The following LPAR1 variants were observed in gnomAD, a reference collection of about 807,000 sequenced individuals.
LPAR1 encodes the protein lysophosphatidic acid receptor 1, also known as LPA receptor 1.
LPAR1 carries 5 observed loss-of-function variants against 23.8 expected under a neutral mutation model. The observed-to-expected ratio is 0.21, with a 90% CI of 0.11 to 0.44. The LOEUF is 0.44. Ranked by LOEUF, LPAR1 falls within the 20% of genes least tolerant of loss-of-function variation. The pLI is 0.99. For synonymous variants in LPAR1, 160 were observed against 164.7 expected (o/e 0.97, Z 0.22); for missense variants, 311 against 482.8 (o/e 0.64, Z 3.33).
chr9:110,951,956 T>C (rs2095583474), intron 4 of LPAR1, among the ~76,000 whole-genome samples: 1 of 152,184 alleles, frequency 6.6e-6, no homozygotes, highest in South Asian at 2.1e-4. Context: ...CTAAAGCAAT[T>C]TGCACAAGGA....
intron 5 of LPAR1, among the ~76,000 whole-genome samples, chr9:110,919,726 C>T (rs916436579): frequency 5.9e-5 from 9 of 152,290 alleles, no homozygotes; most frequent in East Asian, 1.9e-4. Context: ...CAAAATGCTT[C>T]GCTGGAGAAC....
Position 110,941,418 on chromosome 9 carries a change from T to C in LPAR1, c.793+3A>G. The C allele has an allele frequency of 1.2e-6, 2 of 1,604,496 alleles. No individual in the cohort carries two copies. Among genetic ancestry groups the C allele is most frequent in the Non-Finnish European group, 1.7e-6 (2 of 1,175,144 alleles). Reference sequence around the variant, plus strand: ...AGTAAGTTACAGTCAAGACAGAACTTACCAAGCACAATGACCACAGTCTTC... The same window carrying C: ...AGTAAGTTACAGTCAAGACAGAACTCACCAAGCACAATGACCACAGTCTTC... On this transcript the variant is annotated splice_donor_region_variant and intron_variant, in intron 5 of 5. Coordinates refer to ENST00000683809, the MANE Select transcript of LPAR1 (RefSeq NM_001351411.2). This position sits in a 1 kb window ranked among gnomAD's most constrained non-coding sequence, Gnocchi z 6.1.
chr9:110,901,951 G>C (rs934030341), intron 5 of LPAR1, among the ~76,000 whole-genome samples: 2 of 152,124 alleles, frequency 1.3e-5, no homozygotes, highest in African/African-American at 4.8e-5. Flanking sequence ...GACTGGACAA[G>C]ATGGTACAGA....
chr9:110,944,898 C>T lies in LPAR1; in HGVS notation c.46-2730G>A, dbSNP rs116828667. Among the ~76,000 whole-genome samples, 738 of 152,252 alleles carry T rather than the reference C, an allele frequency of 4.8e-3. 3 individuals are homozygous for T. Among genetic ancestry groups the T allele is most frequent in the African/African-American group, 0.016 (684 of 41,528 alleles). On this transcript the variant is annotated intron_variant, in intron 4 of 5. Coordinates refer to ENST00000683809, the MANE Select transcript of LPAR1 (RefSeq NM_001351411.2). ...AATTGGACTAACTTATACATAAGGT[C>T]TAGTTCAGATTTAAAATCCTATACT... is the stretch of plus-strand genomic sequence containing the variant.
At chr9:111,032,082 T>C (rs2097805014) in intron 2 of LPAR1, among the ~76,000 whole-genome samples, 1 of 152,182 alleles carries the variant, frequency 6.6e-6, no homozygotes, top group African/African-American at 2.4e-5. Flanking sequence ...AAATGCCTAC[T>C]GAATATGGAA....
chr9:110,960,210 A>G (rs1046699142), intron 4 of LPAR1, among the ~76,000 whole-genome samples: 1 of 152,216 alleles, frequency 6.6e-6, no homozygotes, highest in Admixed American at 6.5e-5. Context: ...TTCCCAACAT[A>G]TCTCAACAGA....
At chr9:111,000,288 A>T (rs2097104240) in intron 2 of LPAR1, among the ~76,000 whole-genome samples, 1 of 152,116 alleles carries the variant, frequency 6.6e-6, no homozygotes, top group African/African-American at 2.4e-5. Context: ...GTCCAGTTCT[A>T]AAAAGAGCTG....
chr9:111,009,263 T>A (rs2097279062), intron 2 of LPAR1, among the ~76,000 whole-genome samples: 1 of 152,096 alleles, frequency 6.6e-6, no homozygotes, highest in South Asian at 2.1e-4. Context: ...ATACAGCTGA[T>A]TAAGTGCAAC....
At position 110,875,398 on chromosome 9, in the gene LPAR1, G is replaced by T; in HGVS notation, c.*23C>A. ...GTTTATCCTCCAAGAGAGGACGGCT[G>T]GTTCCTCATCTCAGTTTCCGTTCTA... is the stretch of plus-strand genomic sequence containing the variant. On this transcript the variant is annotated 3_prime_UTR_variant, in exon 6 of 6. Transcript: ENST00000683809. The T allele has an allele frequency of 6.3e-7, 1 of 1,589,704 alleles. No homozygotes were observed. The highest frequency in any genetic ancestry group is 1.1e-5 in the South Asian group (1 of 88,884).
chr9:110,947,943 C>T (rs1272899861), intron 4 of LPAR1, among the ~76,000 whole-genome samples: 4 of 152,070 alleles, frequency 2.6e-5, no homozygotes, highest in Admixed American at 6.5e-5. Context: ...AACCAACTTA[C>T]TTCCTCCACT....
intron 5 of LPAR1, among the ~76,000 whole-genome samples, chr9:110,921,196 AC>A (rs1329442529): frequency 6.6e-6 from 1 of 152,108 alleles, no homozygotes; most frequent in African/African-American, 2.4e-5. Context: ...ATGGCTTGAG[AC>A]CAGGAGGTTG....
chr9:110,944,956 T>A (rs577715373), intron 4 of LPAR1, among the ~76,000 whole-genome samples: 26 of 152,154 alleles, frequency 1.7e-4, no homozygotes, highest in Non-Finnish European at 3.4e-4. Context: ...CTATATTTCA[T>A]GAAAATTAGC....
intron 2 of LPAR1, among the ~76,000 whole-genome samples, chr9:111,003,426 C>G (rs1238329329): frequency 3.3e-5 from 5 of 152,092 alleles, no homozygotes; most frequent in African/African-American, 1.2e-4. Flanking sequence ...CTACTTAGAA[C>G]CCATTCTCTA....
intron 4 of LPAR1, among the ~76,000 whole-genome samples, chr9:110,967,738 GAGAGAAGACATCAGT>G (rs1425008342): frequency 1.3e-5 from 2 of 152,164 alleles, no homozygotes; most frequent in African/African-American, 4.8e-5. Context: ...CTGATAATAA[GAGAGAAGACATCAGT>G]AGAAGCTTCG....
At chr9:110,936,766 T>C (rs1453781436) in intron 5 of LPAR1, among the ~76,000 whole-genome samples, 2 of 152,308 alleles carry the variant, frequency 1.3e-5, no homozygotes, top group East Asian at 1.9e-4. Context: ...AGGACTCAGA[T>C]GTAAAAACTT....
At chr9:110,895,234 CT>C (rs937005762) in intron 5 of LPAR1, among the ~76,000 whole-genome samples, 1 of 152,212 alleles carries the variant, frequency 6.6e-6, no homozygotes, top group African/African-American at 2.4e-5. Context: ...TGAAATCCTT[CT>C]GGCTTTAGAG....
intron 5 of LPAR1, among the ~76,000 whole-genome samples, chr9:110,918,671 A>G (rs552480833): frequency 6.6e-6 from 1 of 152,332 alleles, no homozygotes; most frequent in East Asian, 1.9e-4. Flanking sequence ...ACAGGTAAAG[A>G]GATATGAGAC....
intron 5 of LPAR1, among the ~76,000 whole-genome samples, chr9:110,903,700 A>C (rs567472373): frequency 6.6e-6 from 1 of 152,218 alleles, no homozygotes; most frequent in African/African-American, 2.4e-5. Flanking sequence ...AAGGTCCAGA[A>C]TAGAGGGAGA....
intron 5 of LPAR1, among the ~76,000 whole-genome samples, chr9:110,939,548 T>G (rs1369680549): frequency 1.3e-5 from 2 of 152,202 alleles, no homozygotes; most frequent in Non-Finnish European, 1.5e-5. Context: ...TTAGTGGTTG[T>G]GCAGTGGTAG....
Sources: gnomAD v4.1 joint callset for allele counts (sites outside exome capture counted in the v4.1 genomes callset) on GRCh38, gnomAD v4.1.1 for gene constraint, Gnocchi (gnomAD v3.1) non-coding constraint, MANE v1.5 for transcripts, NCBI Gene and HGNC (gene_info 2026-07-23, HGNC 2026-07-21) for gene names.